Variants in UBTD2 observed in about 807,000 individuals in gnomAD.
UBTD2 encodes ubiquitin domain-containing protein 2.
In UBTD2, 9 loss-of-function variants were observed where a neutral mutation model predicts 19.8. The ratio of observed to expected loss-of-function variants is 0.46; its 90% confidence interval spans 0.27 to 0.79. The LOEUF (loss-of-function observed/expected upper bound fraction) is 0.79. Ranked by LOEUF, UBTD2 falls within the 30% of genes least tolerant of loss-of-function variation. The pLI is 0.14. For synonymous variants in UBTD2, 98 were observed against 103.9 expected (o/e 0.94, Z 0.35); for missense variants, 250 against 300.4 (o/e 0.83, Z 1.24).
intron 1 of UBTD2, among the ~76,000 whole-genome samples, chr5:172,277,412 A>G (rs1050367338): frequency 1.3e-5 from 2 of 152,208 alleles, no homozygotes; most frequent in Non-Finnish European, 2.9e-5. Flanking sequence ...CATCATTAAA[A>G]TTACAAACTT....
chr5:172,271,309 G>C (rs1045736680), intron 1 of UBTD2, among the ~76,000 whole-genome samples: 1 of 151,852 alleles, frequency 6.6e-6, no homozygotes, highest in African/African-American at 2.4e-5. Context: ...GGCGCTTGTA[G>C]TCCCAGCTAC....
At chr5:172,277,656 T>C (rs1295065656) in intron 1 of UBTD2, among the ~76,000 whole-genome samples, 1 of 151,950 alleles carries the variant, frequency 6.6e-6, no homozygotes, top group African/African-American at 2.4e-5. Context: ...CAGTAGGCCA[T>C]GATTACGCCA....
intron 2 of UBTD2, among the ~76,000 whole-genome samples, chr5:172,229,283 A>G (rs542870218): frequency 3.4e-4 from 51 of 151,968 alleles, no homozygotes; most frequent in South Asian, 1.7e-3. Context: ...GGTGGATCAC[A>G]AGGTCAGGAG....
At chr5:172,277,527 A>C (rs1317926480) in intron 1 of UBTD2, among the ~76,000 whole-genome samples, 1 of 152,050 alleles carries the variant, frequency 6.6e-6, no homozygotes, top group Non-Finnish European at 1.5e-5. Context: ...AACAACACAG[A>C]AAGACCCCGT....
chr5:172,212,704 G>A (rs1771474621), intron 2 of UBTD2, among the ~76,000 whole-genome samples: 1 of 152,124 alleles, frequency 6.6e-6, no homozygotes, highest in Non-Finnish European at 1.5e-5. Flanking sequence ...TCGCTGTGTT[G>A]CCCAGGCTGG....
At chr5:172,251,268 A>G (rs1755007775) in intron 1 of UBTD2, among the ~76,000 whole-genome samples, 1 of 143,306 alleles carries the variant, frequency 7.0e-6, no homozygotes, top group Non-Finnish European at 1.5e-5. Context: ...GCAGTGAGCC[A>G]AGATCACACC....
At position 172,211,441 on chromosome 5, in the gene UBTD2, TTGATA is replaced by T. The variant is rs1427256334; in HGVS notation, c.*384_*388del. The T allele has an allele frequency of 6.3e-6, 1 of 158,384 alleles. No homozygotes were observed. The highest frequency in any genetic ancestry group is 2.4e-5 in the African/African-American group (1 of 41,678). The allele number at this position is 158,384 out of a possible 1,614,324, so 9.8% of individuals were successfully genotyped here. On this transcript the variant is annotated 3_prime_UTR_variant, in exon 3 of 3. Coordinates refer to ENST00000393792, the MANE Select transcript of UBTD2 (RefSeq NM_152277.3). ...TTATGGTTTCTGGAAATTATATAAT[TTGATA>T]TATTTTTCTAAAAAAATTCTGTATT...
chr5:172,270,350 AT>A (rs758440849), intron 1 of UBTD2, among the ~76,000 whole-genome samples: 283 of 98,762 alleles, frequency 2.9e-3, no homozygotes, highest in Middle Eastern at 0.028. Flanking sequence ...GAATTTTAGA[AT>A]TTTTTTTTTT....
intron 1 of UBTD2, among the ~76,000 whole-genome samples, chr5:172,275,838 T>A (rs1009960116): frequency 6.6e-6 from 1 of 152,192 alleles, no homozygotes; most frequent in Non-Finnish European, 1.5e-5. Context: ...CAGATATCTT[T>A]CTTATTCCAC....
At position 172,258,695 on chromosome 5, in the gene UBTD2, G is replaced by A. The variant is rs1038589557; in HGVS notation, c.71-24337C>T. ...ACTTCCCGCGTTGGCTGTTTTCCTA[G>A]GTATTCTATTCTTTTTGCAGCTACT... On this transcript the variant is annotated intron_variant, in intron 1 of 2. Coordinates refer to ENST00000393792, the MANE Select transcript of UBTD2 (RefSeq NM_152277.3). 2.0e-5 allele frequency among the ~76,000 whole-genome samples: 3 copies of A among 152,062 alleles called. No homozygotes were observed. The East Asian group carries it at 5.8e-4, about 29-fold the overall frequency.
intron 1 of UBTD2, among the ~76,000 whole-genome samples, chr5:172,262,464 A>C (rs1755289032): frequency 6.6e-6 from 1 of 151,254 alleles, no homozygotes; most frequent in Non-Finnish European, 1.5e-5. Context: ...AAAAAAAAAA[A>C]AAAACAAGAA....
At chr5:172,256,160 T>C (rs992628524) in intron 1 of UBTD2, among the ~76,000 whole-genome samples, 1 of 152,126 alleles carries the variant, frequency 6.6e-6, no homozygotes, top group East Asian at 1.9e-4. Flanking sequence ...ATCCGTCCTA[T>C]AATGAAAAGC....
chr5:172,225,925 C>G (rs898555191), intron 2 of UBTD2, among the ~76,000 whole-genome samples: 9 of 138,640 alleles, frequency 6.5e-5, no homozygotes, highest in African/African-American at 2.4e-4. Flanking sequence ...AGTCAGAAGG[C>G]TTAAACTCTT....
rs1394402205 is a variant in UBTD2, at chr5:172,257,744, T to C, written c.71-23386A>G. The stretch of plus-strand genomic sequence containing the variant: ...CACAAGAAAACCAAAAAAGTCATGA[T>C]TTACGTTTCTCTAATGATTAGTGAT... On this transcript the variant is annotated intron_variant, in intron 1 of 2. Coordinates refer to ENST00000393792, the MANE Select transcript of UBTD2 (RefSeq NM_152277.3). 6.6e-5 allele frequency among the ~76,000 whole-genome samples: 10 copies of C among 152,242 alleles called. No homozygotes were observed. The East Asian group carries it at 1.9e-3, about 29-fold the overall frequency.
intron 1 of UBTD2, among the ~76,000 whole-genome samples, chr5:172,253,246 GCTTT>G (rs1412302389): frequency 1.3e-5 from 2 of 152,010 alleles, no homozygotes; most frequent in South Asian, 2.1e-4. Flanking sequence ...AAAATTCTAA[GCTTT>G]ATTTTTAGCT....
chr5:172,255,237 C>A, intron 1 of UBTD2: 2 of 455,818 alleles, frequency 4.4e-6, no homozygotes, highest in South Asian at 3.7e-5. Context: ...TCCGCTTGCT[C>A]ACCATGAAGT....
intron 1 of UBTD2, among the ~76,000 whole-genome samples, chr5:172,257,804 G>A (rs1755187058): frequency 6.6e-6 from 1 of 152,150 alleles, no homozygotes; most frequent in African/African-American, 2.4e-5. Flanking sequence ...TTAGCCACAG[G>A]AATGTCTTCT....
intron 1 of UBTD2, among the ~76,000 whole-genome samples, chr5:172,270,597 G>A (rs186685868): frequency 1.8e-4 from 28 of 151,978 alleles, no homozygotes; most frequent in African/African-American, 5.8e-4. Context: ...CTCGTGATCT[G>A]CCTACCTCAG....
intron 1 of UBTD2, among the ~76,000 whole-genome samples, chr5:172,267,715 G>C (rs905483420): frequency 1.3e-5 from 2 of 152,100 alleles, no homozygotes; most frequent in African/African-American, 4.8e-5. Flanking sequence ...GGACTTTACT[G>C]ATTCCACACC....
Sources: allele counts gnomAD v4.1 joint callset (sites outside exome capture counted in the v4.1 genomes callset), GRCh38; gene constraint gnomAD v4.1.1; transcripts MANE v1.5; gene names NCBI Gene and HGNC (gene_info 2026-07-23, HGNC 2026-07-21).